Variants in LIPN observed in about 807,000 individuals in gnomAD.
LIPN encodes the protein lipase family member N, also known as lipase member N.
In LIPN, 32 loss-of-function variants were observed where a neutral mutation model predicts 43.7. That is an observed-to-expected ratio of 0.73 (90% CI 0.55 to 0.98). LIPN has a LOEUF of 0.98. Ranked by LOEUF, LIPN falls within the 50% of genes least tolerant of loss-of-function variation. The pLI is 0.00. For synonymous variants in LIPN, 156 were observed against 157.6 expected, an observed-to-expected ratio of 0.99 and a Z score of 0.08; for missense variants, 505 against 483.8, an observed-to-expected ratio of 1.04 and a Z score of -0.41.
intron 7 of LIPN, among the ~76,000 whole-genome samples, chr10:88,773,042 G>A (rs1843236941): frequency 6.6e-6 from 1 of 151,722 alleles, no homozygotes. Context: ...TTCATGGATT[G>A]CAAGAATCAA....
chr10:88,771,744 C>CT (rs34229714), intron 7 of LIPN, among the ~76,000 whole-genome samples: 2,560 of 145,336 alleles, frequency 0.018, 64 homozygotes, highest in East Asian at 0.074. Context: ...GATTGATTTC[C>CT]TTTTTTTTTT....
rs303466 is a variant in LIPN, at chr10:88,761,859, G to A, written c.109-329G>A. Among the ~76,000 whole-genome samples, 35,968 of 151,490 alleles carry A rather than the reference G, an allele frequency of 0.24. 4,414 individuals are homozygous for A. The highest frequency in any genetic ancestry group is 0.37 in the East Asian group (1,880 of 5,130). ...TAAGAATATCAAGCTATTTGTTGATGTACATGATTGCCTTCTATTGATCTA... is the reference window on the plus strand; with the variant it reads ...TAAGAATATCAAGCTATTTGTTGATATACATGATTGCCTTCTATTGATCTA... On this transcript the variant is annotated intron_variant, in intron 2 of 9. Coordinates refer to ENST00000404459, the MANE Select transcript of LIPN (RefSeq NM_001102469.2).
intron 5 of LIPN, among the ~76,000 whole-genome samples, chr10:88,768,033 C>T (rs1843138349): frequency 7.1e-6 from 1 of 140,980 alleles, no homozygotes; most frequent in Non-Finnish European, 1.5e-5. Flanking sequence ...CACACACACA[C>T]ACACACACAC....
chr10:88,766,351 A>G lies in LIPN; in HGVS notation c.508A>G (p.Ile170Val), dbSNP rs761859616. ...NKTGQEKLYF[I>V]GHSLGTTIGF... ...AACTGGTCAGGAGAAATTGTATTTCATTGGACATTCACTTGGCACTACAAT... is the reference window on the plus strand; with the variant it reads ...AACTGGTCAGGAGAAATTGTATTTCGTTGGACATTCACTTGGCACTACAAT... The change falls in exon 5 of 10, where the codon ATT becomes GTT. Residue 170 changes from isoleucine (I) to valine (V), a missense_variant. Ile to Val is a conservative substitution (Grantham distance 29). Transcript: ENST00000404459. The G allele has an allele frequency of 3.1e-6, 5 of 1,605,172 alleles. No individual in the cohort carries two copies. The East Asian group carries it at 6.7e-5, about 22-fold the overall frequency.
chr10:88,766,207 G>C (rs1843093350), intron 4 of LIPN, 62 bp from the exon 5 acceptor site: 1 of 794,638 alleles, frequency 1.3e-6, no homozygotes, highest in African/African-American at 1.7e-5. Context: ...AAGTGAGCAA[G>C]TGCTCTGAGT....
intron 9 of LIPN, 76 bp from the exon 10 acceptor site, chr10:88,777,932 AC>A: frequency 1.2e-6 from 1 of 818,856 alleles, no homozygotes; most frequent in South Asian, 1.7e-5. Context: ...GCCATTGTCC[AC>A]ATTCATTTAG....
Position 88,770,438 on chromosome 10 carries a change from T to C in LIPN, c.673-407T>C, listed in dbSNP as rs569043043. 2.9e-5 allele frequency among the ~76,000 whole-genome samples: 4 copies of C among 136,308 alleles called. No homozygotes were observed. The South Asian group carries it at 1.0e-3, about 34-fold the overall frequency. The allele number at this position is 136,308 out of a possible 152,430, so 89.4% of individuals were successfully genotyped here. A position where few individuals can be genotyped will look rare whatever the true frequency, so the allele number is the denominator to read the frequency against. On this transcript the variant is annotated intron_variant, in intron 6 of 9. Transcript: ENST00000404459. The stretch of plus-strand genomic sequence containing the variant: ...TTCATACCAATTAATGAGAAAAAAA[T>C]ATTGGCAAGCACTGACTGGGCAGAA...
chr10:88,770,892 G>A lies in LIPN; in HGVS notation c.720G>A (p.Lys240=), dbSNP rs1232630468. ...TCTTTTTAGAAGATAAGAAAACGAA[G>A]ATAGCTTCTACCAAAATCTGCAACA... The part of the protein sequence containing the change: ...KGFFLEDKKT[K]IASTKICNNK... The change falls in exon 7 of 10, where the codon AAG becomes AAA. Residue 240 remains lysine, a synonymous_variant. Coordinates refer to ENST00000404459, the MANE Select transcript of LIPN (RefSeq NM_001102469.2). 15 of 1,542,874 alleles carry A rather than the reference G, an allele frequency of 9.7e-6. No homozygotes were observed. The highest frequency in any genetic ancestry group is 1.7e-4 in the Middle Eastern group (1 of 5,940).
rs746485055 is a variant in LIPN at position 88,778,226 on chromosome 10, T to C, written c.1181T>C (p.Met394Thr). The change falls in exon 10 of 10, where the codon ATG (methionine) becomes ACG (threonine). Residue 394 changes from methionine (M) to threonine (T), a missense_variant. Coordinates refer to ENST00000404459, the MANE Select transcript of LIPN (RefSeq NM_001102469.2). ...ATGTACAGTGAAATCATAGCTTTAA[T>C]GAAGGCATATTCCTAAATGCAATGC... ...QRMYSEIIAL[M>T]KAYS is the part of the protein sequence containing the mutation. The C allele has an allele frequency of 6.2e-7, 1 of 1,608,102 alleles. No homozygotes were observed. The highest frequency in any genetic ancestry group is 8.5e-7 in the Non-Finnish European group (1 of 1,176,764).
rs1843337107 is a variant in LIPN at position 88,778,604 on chromosome 10, G to A, written c.*362G>A. On this transcript the variant is annotated 3_prime_UTR_variant, in exon 10 of 10. Transcript: ENST00000404459. ...AAGGTCCTATATGGAAACCTCTGTT[G>A]TCATTTTATTTATATGGATTGCTAT... 6.6e-6 allele frequency among the ~76,000 whole-genome samples: 1 copy of A among 152,150 alleles called. No individual in the cohort carries two copies. The highest frequency in any genetic ancestry group is 6.6e-5 in the Admixed American group (1 of 15,266).
chr10:88,758,235 A>T (rs879505866), upstream of LIPN, among the ~76,000 whole-genome samples: 16 of 152,038 alleles, frequency 1.1e-4, no homozygotes, highest in Non-Finnish European at 2.2e-4. Flanking sequence ...CCATCTTCAC[A>T]ATTGAATGAG....
intron 4 of LIPN, 134 bp downstream of exon 4, chr10:88,764,742 AG>A (rs1330532616): frequency 1.4e-5 from 8 of 572,154 alleles, no homozygotes; most frequent in Admixed American, 3.5e-5. Context: ...ATCTCAAAGG[AG>A]GGTAACAGCA....
Position 88,762,285 on chromosome 10 carries a change from G to A in LIPN, c.206G>A (p.Arg69Gln), listed in dbSNP as rs193223194. The A allele has an allele frequency of 1.5e-5, 24 of 1,604,464 alleles. No homozygotes were observed. Among genetic ancestry groups the A allele is most frequent in the Admixed American group, 1.0e-4 (6 of 59,100 alleles). Residue 69 changes from arginine (R) to glutamine (Q), a missense_variant, in exon 3 of 10, where the codon CGA (arginine) becomes CAA (glutamine). Arg to Gln is a conservative substitution (Grantham distance 43). Coordinates refer to ENST00000404459, the MANE Select transcript of LIPN (RefSeq NM_001102469.2). ...CTTGTCAACAGAATTCCTTATGGGC[G>A]AACACATGCTAGGAGCACAGGTACA... ...ILLVNRIPYG[R>Q]THARSTGPRP...
rs1487401614 is a variant in LIPN, at chr10:88,779,318, T to C, written c.*1076T>C. 6.6e-6 allele frequency among the ~76,000 whole-genome samples: 1 copy of C among 152,216 alleles called. No individual in the cohort carries two copies. Among genetic ancestry groups the C allele is most frequent in the African/African-American group, 2.4e-5 (1 of 41,466 alleles). On this transcript the variant is annotated 3_prime_UTR_variant, in exon 10 of 10. Transcript: ENST00000404459. The stretch of plus-strand genomic sequence containing the variant: ...GGAAAATCCAGAGCCAGCTCCATAA[T>C]ACTTTCCTGCTCTGCTGGCAAATCC...
At chr10:88,765,292 C>G (rs1443780296) in intron 4 of LIPN, among the ~76,000 whole-genome samples, 1 of 151,930 alleles carries the variant, frequency 6.6e-6, no homozygotes, top group Non-Finnish European at 1.5e-5. Context: ...TTCTTCAGGC[C>G]TAAGCTCCCT....
chr10:88,768,957 A>C (rs1843159235), intron 6 of LIPN, 29 bp downstream of exon 6: 1 of 1,597,266 alleles, frequency 6.3e-7, no homozygotes, highest in African/African-American at 1.3e-5. Context: ...AATGTACCTG[A>C]GGATCTCATT....
upstream of LIPN, among the ~76,000 whole-genome samples, chr10:88,757,334 T>C (rs1842938415): frequency 6.6e-6 from 1 of 152,140 alleles, no homozygotes; most frequent in South Asian, 2.1e-4. Context: ...GGATTTGACC[T>C]TTGTCACAAA....
chr10:88,768,745 C>A (rs189377154), intron 5 of LIPN, 47 bp from the exon 6 acceptor site: 2 of 1,565,440 alleles, frequency 1.3e-6, no homozygotes, highest in Non-Finnish European at 1.7e-6. Flanking sequence ...AGAAACACTG[C>A]GTAAGTATTT....
chr10:88,762,885 A>T (rs1221285138), intron 3 of LIPN, among the ~76,000 whole-genome samples: 2 of 152,068 alleles, frequency 1.3e-5, no homozygotes, highest in Non-Finnish European at 2.9e-5. Flanking sequence ...TGAATTCTAG[A>T]ATGAGGAGCC....
Sources: gnomAD v4.1 joint callset for allele counts (sites outside exome capture counted in the v4.1 genomes callset) on GRCh38, gnomAD v4.1.1 for gene constraint, MANE v1.5 for transcripts, NCBI Gene and HGNC (gene_info 2026-07-23, HGNC 2026-07-21) for gene names.